Variants in CLASP1 observed in about 807,000 individuals in gnomAD.
CLASP1 encodes the protein cytoplasmic linker associated protein 1, also known as CLIP-associating protein 1.
Under a neutral mutation model 192.3 loss-of-function variants are expected in CLASP1, and 38 were observed. The ratio of observed to expected loss-of-function variants is 0.20; its 90% CI spans 0.15 to 0.26. The LOEUF (loss-of-function observed/expected upper bound fraction) is 0.26. CLASP1 is among the 10% of genes least tolerant of loss of function. CLASP1 has a pLI of 1.00. For missense variants in CLASP1, 1,433 were observed against 1,932.5 expected, an observed-to-expected ratio of 0.74 and a Z score of 4.85; for synonymous variants, 691 against 712.8, an observed-to-expected ratio of 0.97 and a Z score of 0.49.
Position 121,534,601 on chromosome 2 carries a change from G to A in CLASP1, c.196-4276C>T, listed in dbSNP as rs545305451. Among the ~76,000 whole-genome samples, 31 of 152,200 alleles carry A rather than the reference G, an allele frequency of 2.0e-4. No individual in the cohort carries two copies. In the East Asian group the frequency reaches 5.8e-3, roughly 28 times the overall value. ...TGCCCAGGCTGGAGTGCAATGGCAC[G>A]ATCTCTGCTCACTGCAACCTCCGCC... is the stretch of plus-strand genomic sequence containing the variant. On this transcript the variant is annotated intron_variant, in intron 2 of 39. Transcript: ENST00000263710.
intron 34 of CLASP1, among the ~76,000 whole-genome samples, chr2:121,368,459 T>A (rs182343001): frequency 2.0e-5 from 3 of 152,240 alleles, no homozygotes; most frequent in African/African-American, 7.2e-5. Flanking sequence ...TTTTTTTTTT[T>A]CCCTAGTATA....
intron 9 of CLASP1, among the ~76,000 whole-genome samples, chr2:121,463,911 T>G (rs553357448): frequency 1.3e-5 from 2 of 151,896 alleles, no homozygotes; most frequent in African/African-American, 2.4e-5. Flanking sequence ...TAGTTACATA[T>G]GTATACATGT....
At chr2:121,366,627 G>C (rs914062290) in intron 35 of CLASP1, among the ~76,000 whole-genome samples, 1 of 152,206 alleles carries the variant, frequency 6.6e-6, no homozygotes, top group Non-Finnish European at 1.5e-5. Context: ...TGTCTCATGT[G>C]CCTCGGTCCC....
intron 8 of CLASP1, among the ~76,000 whole-genome samples, chr2:121,478,848 C>CATA (rs1559368241): frequency 3.8e-5 from 1 of 26,376 alleles, no homozygotes; most frequent in Admixed American, 4.3e-4. Flanking sequence ...CACACACACA[C>CATA]CACACACCAC....
chr2:121,555,988 CTTTTTTTTTTTTTTTT>C (rs34423741), intron 2 of CLASP1, among the ~76,000 whole-genome samples: 29 of 42,396 alleles, frequency 6.8e-4, no homozygotes, highest in Middle Eastern at 0.015. Context: ...CTACCCACCG[CTTTTTTTTTTTTTTTT>C]TTTTTTTTTT....
chr2:121,608,547 A>G (rs1325944146), intron 1 of CLASP1, among the ~76,000 whole-genome samples: 1 of 152,228 alleles, frequency 6.6e-6, no homozygotes, highest in Admixed American at 6.5e-5. Flanking sequence ...TCTGACCAAC[A>G]GCCAGCAGCA....
At chr2:121,445,440 G>A (rs2084140593) in intron 19 of CLASP1, 1 of 1,288,274 alleles carries the variant, frequency 7.8e-7, no homozygotes, top group South Asian at 1.2e-5. Context: ...AAGCTGTCGA[G>A]CATGGTACCT....
intron 1 of CLASP1, among the ~76,000 whole-genome samples, chr2:121,615,922 T>G (rs1020296158): frequency 7.2e-5 from 11 of 152,262 alleles, no homozygotes; most frequent in African/African-American, 2.7e-4. Flanking sequence ...AAGTTTGTGT[T>G]CTTTTCACTA....
chr2:121,580,448 T>C (rs10205427), intron 2 of CLASP1, among the ~76,000 whole-genome samples: 37,485 of 151,998 alleles, frequency 0.25, 7,268 homozygotes, highest in African/African-American at 0.54. Context: ...TCTATAATTT[T>C]ATCAATTAGA....
intron 37 of CLASP1, among the ~76,000 whole-genome samples, chr2:121,354,322 T>C (rs560095171): frequency 1.3e-5 from 2 of 152,196 alleles, no homozygotes; most frequent in Non-Finnish European, 2.9e-5. Context: ...AGCTCAGGTT[T>C]TTCCAGTCAC....
intron 21 of CLASP1, among the ~76,000 whole-genome samples, chr2:121,426,350 T>C (rs2080378645): frequency 6.6e-6 from 1 of 152,162 alleles, no homozygotes; most frequent in Non-Finnish European, 1.5e-5. Flanking sequence ...CAAACCTTTA[T>C]GCTCCAAACA....
At chr2:121,390,301 G>C (rs1051100496) in intron 30 of CLASP1, among the ~76,000 whole-genome samples, 2 of 152,176 alleles carry the variant, frequency 1.3e-5, no homozygotes, top group South Asian at 4.1e-4. Context: ...GACTCAAAAA[G>C]TGGAGTACGC....
chr2:121,551,075 CAAT>C (rs2057997943), intron 2 of CLASP1, among the ~76,000 whole-genome samples: 1 of 152,216 alleles, frequency 6.6e-6, no homozygotes, highest in African/African-American at 2.4e-5. Context: ...ATACGCAAAT[CAAT>C]AAATGTGATT....
chr2:121,531,006 A>G (rs758573942), intron 2 of CLASP1: 2 of 700,338 alleles, frequency 2.9e-6, no homozygotes, highest in Non-Finnish European at 5.2e-6. Flanking sequence ...ATTTTTGGAA[A>G]AATGAAAACC....
rs576522768 is a variant in CLASP1 at position 121,573,302 on chromosome 2, C to T, written c.195+32399G>A. Reference sequence around the variant, plus strand: ...AGCAAAATAAATATAAACAAAGGAACGTGTAAACAATGTGACAGCAGGATA... The same window carrying T: ...AGCAAAATAAATATAAACAAAGGAATGTGTAAACAATGTGACAGCAGGATA... On this transcript the variant is annotated intron_variant, in intron 2 of 39. Coordinates refer to ENST00000263710, the Ensembl canonical transcript of CLASP1. Among the ~76,000 whole-genome samples the T allele has an allele frequency of 3.9e-5, 6 of 152,258 alleles. No homozygotes were observed. In the East Asian group the frequency reaches 5.8e-4, roughly 15 times the overall value.
chr2:121,377,031 A>G (rs1165055820), intron 34 of CLASP1, among the ~76,000 whole-genome samples: 1 of 152,162 alleles, frequency 6.6e-6, no homozygotes, highest in African/African-American at 2.4e-5. Context: ...TACACAATAA[A>G]CGTAATGTGC....
At chr2:121,613,474 T>TA (rs1028945870) in intron 1 of CLASP1, among the ~76,000 whole-genome samples, 15 of 152,028 alleles carry the variant, frequency 9.9e-5, no homozygotes, top group African/African-American at 3.4e-4. Context: ...GAACACACAA[T>TA]AAAAAAAGAC....
chr2:121,580,943 A>G (rs1290492030), intron 2 of CLASP1, among the ~76,000 whole-genome samples: 2 of 152,200 alleles, frequency 1.3e-5, no homozygotes, highest in Non-Finnish European at 2.9e-5. Flanking sequence ...TGACCCATAC[A>G]TTCTTTAAAA....
intron 8 of CLASP1, among the ~76,000 whole-genome samples, chr2:121,487,777 T>C (rs1290154224): frequency 6.6e-6 from 1 of 152,238 alleles, no homozygotes; most frequent in Non-Finnish European, 1.5e-5. Context: ...AATGGGATAT[T>C]TGCATAAATG....
Sources: allele counts gnomAD v4.1 joint callset (sites outside exome capture counted in the v4.1 genomes callset), GRCh38; gene constraint gnomAD v4.1.1; transcripts MANE v1.5; gene names NCBI Gene and HGNC (gene_info 2026-07-23, HGNC 2026-07-21).